Variants in TRAPPC3L observed in about 807,000 individuals in gnomAD.
TRAPPC3L encodes trafficking protein particle complex subunit 3-like protein.
In TRAPPC3L, 23 loss-of-function variants were observed where a neutral mutation model predicts 23.7. The ratio of observed to expected loss-of-function variants is 0.97; its 90% CI spans 0.70 to 1.37. The LOEUF is 1.37. Ranked by LOEUF, TRAPPC3L falls within the 40% of genes most tolerant of loss-of-function variation. The probability of loss-of-function intolerance (pLI) is 0.00; values close to 1 mark genes in which losing one functional copy is unlikely to be tolerated. For synonymous variants in TRAPPC3L, 81 were observed against 77.9 expected, an observed-to-expected ratio of 1.04 and a Z score of -0.21; for missense variants, 212 against 216.8, an observed-to-expected ratio of 0.98 and a Z score of 0.14.
chr6:116,542,654 G>A (rs1242754907), intron 2 of TRAPPC3L, among the ~76,000 whole-genome samples: 1 of 152,002 alleles, frequency 6.6e-6, no homozygotes, highest in African/African-American at 2.4e-5. Flanking sequence ...ATCAAAAGGT[G>A]GAATTTGTGC....
At chr6:116,512,091 C>T (rs768302253) in intron 3 of TRAPPC3L, 4 of 1,613,858 alleles carry the variant, frequency 2.5e-6, no homozygotes, top group Non-Finnish European at 3.4e-6. Context: ...ATGAGCGGGA[C>T]GAGAAGTTCA....
At chr6:116,511,028 G>T (rs1394062667) in intron 3 of TRAPPC3L, among the ~76,000 whole-genome samples, 1 of 150,742 alleles carries the variant, frequency 6.6e-6, no homozygotes, top group Non-Finnish European at 1.5e-5. Flanking sequence ...GAGTGGGAAG[G>T]GGGTGAGGGA....
chr6:116,512,117 A>T, intron 3 of TRAPPC3L: 1 of 1,614,018 alleles, frequency 6.2e-7, no homozygotes, highest in Non-Finnish European at 8.5e-7. Context: ...CCTGGAACTG[A>T]TTTGCAAGGG....
intron 3 of TRAPPC3L, among the ~76,000 whole-genome samples, chr6:116,533,507 C>A (rs1450457098): frequency 6.6e-6 from 1 of 152,168 alleles, no homozygotes; most frequent in Non-Finnish European, 1.5e-5. Context: ...CAGAATAATT[C>A]CAGCGTGAGA....
At chr6:116,502,355 C>T (rs1222201120) in intron 3 of TRAPPC3L, among the ~76,000 whole-genome samples, 1 of 152,140 alleles carries the variant, frequency 6.6e-6, no homozygotes, top group Non-Finnish European at 1.5e-5. Context: ...AACAAAGCCT[C>T]CAAGAAATAT....
At chr6:116,515,596 T>C in intron 3 of TRAPPC3L, 1 of 1,599,394 alleles carries the variant, frequency 6.3e-7, no homozygotes, top group Non-Finnish European at 8.5e-7. Context: ...TCTTTCTTCT[T>C]AAGATTCTAG....
intron 3 of TRAPPC3L, among the ~76,000 whole-genome samples, chr6:116,501,311 T>A (rs1235732236): frequency 6.6e-6 from 1 of 152,136 alleles, no homozygotes; most frequent in Admixed American, 6.5e-5. Flanking sequence ...CTGCCATTGC[T>A]GAGGTTTGAG....
At chr6:116,540,534 G>T in intron 2 of TRAPPC3L, 72 bp from the exon 3 acceptor site, 3 of 1,436,188 alleles carry the variant, frequency 2.1e-6, no homozygotes, top group Middle Eastern at 3.5e-4. Context: ...TTTAAGAAGC[G>T]ATTTGTGTGT....
At chr6:116,509,920 C>T (rs1772079055) in intron 3 of TRAPPC3L, among the ~76,000 whole-genome samples, 1 of 152,142 alleles carries the variant, frequency 6.6e-6, no homozygotes, top group African/African-American at 2.4e-5. Flanking sequence ...TATTTGTAAA[C>T]TATGCATCTG....
intron 3 of TRAPPC3L, among the ~76,000 whole-genome samples, chr6:116,528,206 T>G (rs913842659): frequency 3.3e-5 from 5 of 152,210 alleles, no homozygotes; most frequent in Non-Finnish European, 5.9e-5. Context: ...TAATAAAAGT[T>G]TAAGGGTAAT....
intron 3 of TRAPPC3L, among the ~76,000 whole-genome samples, chr6:116,503,669 A>G (rs1771956732): frequency 6.6e-6 from 1 of 152,166 alleles, no homozygotes; most frequent in Non-Finnish European, 1.5e-5. Context: ...ATTATAACAA[A>G]CTGTCTCTCA....
intron 3 of TRAPPC3L, among the ~76,000 whole-genome samples, chr6:116,528,145 G>C (rs566092476): frequency 6.6e-6 from 1 of 152,276 alleles, no homozygotes; most frequent in African/African-American, 2.4e-5. Context: ...CAACCCCTAA[G>C]AGATTCTTCT....
At chr6:116,514,207 G>A (rs1461085918) in intron 3 of TRAPPC3L, among the ~76,000 whole-genome samples, 2 of 152,142 alleles carry the variant, frequency 1.3e-5, no homozygotes, top group African/African-American at 4.8e-5. Flanking sequence ...GTGAAAGGGG[G>A]AAGGGGACCT....
In TRAPPC3L at chr6:116,545,601, T is replaced by C. The variant is rs1440013016; in HGVS notation, c.-87A>G. 7.8e-7 allele frequency: 1 copy of C among 1,281,202 alleles called. No individual in the cohort carries two copies. The highest frequency in any genetic ancestry group is 1.5e-5 in the African/African-American group (1 of 66,350). The allele number at this position is 1,281,202 out of a possible 1,614,324, so 79.4% of individuals were successfully genotyped here. On this transcript the variant is annotated 5_prime_UTR_variant, in exon 1 of 5. Coordinates refer to ENST00000368602, the MANE Select transcript of TRAPPC3L (RefSeq NM_001139444.3). ...TGTATCAGTCCATGTCTTTTTGTTT[T>C]GTTTTTGTAAGCTCTTCCTCGCTTT... is the stretch of plus-strand genomic sequence containing the variant.
intron 3 of TRAPPC3L, among the ~76,000 whole-genome samples, chr6:116,526,228 A>G (rs1233634418): frequency 6.6e-6 from 1 of 152,188 alleles, no homozygotes; most frequent in Non-Finnish European, 1.5e-5. Context: ...TTCCACTTTG[A>G]TCATATCTCT....
chr6:116,540,536 T>C lies in TRAPPC3L; in HGVS notation c.141-74A>G. On this transcript the variant is annotated intron_variant, in intron 2 of 4. Coordinates refer to ENST00000368602, the MANE Select transcript of TRAPPC3L (RefSeq NM_001139444.3). ...AAGTCTGTCAGTTTTTAAGAAGCGA[T>C]TTGTGTGTTTAGCACTTGTGCAAGT... 8 of 1,433,192 alleles carry C rather than the reference T, an allele frequency of 5.6e-6. No homozygotes were observed. The South Asian group carries it at 8.7e-5, about 16-fold the overall frequency. The allele number at this position is 1,433,192 out of a possible 1,614,324, so 88.8% of individuals were successfully genotyped here.
intron 3 of TRAPPC3L, among the ~76,000 whole-genome samples, chr6:116,531,265 A>G (rs1772705818): frequency 2.0e-5 from 3 of 152,128 alleles, no homozygotes; most frequent in Non-Finnish European, 4.4e-5. Flanking sequence ...CACATAGAGA[A>G]AGTCACAGTT....
chr6:116,510,828 C>T (rs1772101804), intron 3 of TRAPPC3L, among the ~76,000 whole-genome samples: 1 of 152,016 alleles, frequency 6.6e-6, no homozygotes, highest in South Asian at 2.1e-4. Flanking sequence ...GAATACTACT[C>T]AGTCATAAAA....
intron 3 of TRAPPC3L, among the ~76,000 whole-genome samples, chr6:116,529,670 A>G (rs887595708): frequency 2.0e-5 from 3 of 152,210 alleles, no homozygotes; most frequent in African/African-American, 7.2e-5. Flanking sequence ...GGCAGTTGCA[A>G]TGATGTGCCT....
Sources: allele counts gnomAD v4.1 joint callset (sites outside exome capture counted in the v4.1 genomes callset), GRCh38; gene constraint gnomAD v4.1.1; transcripts MANE v1.5; gene names NCBI Gene and HGNC (gene_info 2026-07-23, HGNC 2026-07-21).